Variants in MPDZ observed in about 807,000 individuals in gnomAD.
The protein encoded by MPDZ is multiple PDZ domain crumbs cell polarity complex component.
In MPDZ, 234 loss-of-function variants were observed where a neutral mutation model predicts 239.1. That is an observed-to-expected ratio of 0.98 (90% CI 0.88 to 1.09). The LOEUF is 1.09. Among genes scored for constraint, MPDZ ranks in the 50% least tolerant of loss-of-function variants. The probability of loss-of-function intolerance (pLI) is 0.00; values close to 1 mark genes in which losing one functional copy is unlikely to be tolerated. For missense variants in MPDZ, 3,175 were observed against 2,510.0 expected (o/e 1.26, Z -5.66); for synonymous variants, 1,048 against 881.3 (o/e 1.19, Z -3.35).
chr9:13,275,753 T>G (rs1365657159), intron 1 of MPDZ, among the ~76,000 whole-genome samples: 1 of 152,132 alleles, frequency 6.6e-6, no homozygotes, highest in Non-Finnish European at 1.5e-5. Flanking sequence ...TTCATTGCTC[T>G]CCATTAATTG....
intron 31 of MPDZ, chr9:13,135,364 GA>G (rs1946581499): frequency 6.6e-6 from 1 of 152,172 alleles, no homozygotes; most frequent in Non-Finnish European, 1.5e-5. Context: ...AGTTGGGGAT[GA>G]AGTATTATCA....
At chr9:13,272,235 G>A (rs570976113) in intron 1 of MPDZ, among the ~76,000 whole-genome samples, 23 of 152,196 alleles carry the variant, frequency 1.5e-4, no homozygotes, top group African/African-American at 5.3e-4. Context: ...AAGGATAGGG[G>A]CTGAATAGGT....
chr9:13,120,754 C>G (rs572986735), intron 38 of MPDZ: 1 of 152,140 alleles, frequency 6.6e-6, no homozygotes, highest in Non-Finnish European at 1.5e-5. Flanking sequence ...TGAAGAATGC[C>G]TATTTCCAAA....
At chr9:13,276,617 TCTTTA>T (rs1238014706) in intron 1 of MPDZ, 6 of 152,224 alleles carry the variant, frequency 3.9e-5, no homozygotes, top group Non-Finnish European at 8.8e-5. Flanking sequence ...CTGCTTCTTC[TCTTTA>T]AAGTGTAGGA....
intron 32 of MPDZ, among the ~76,000 whole-genome samples, chr9:13,131,205 G>A (rs982689004): frequency 6.6e-6 from 1 of 152,000 alleles, no homozygotes; most frequent in African/African-American, 2.4e-5. Context: ...TGTAATAATG[G>A]GGTTAGGAGT....
intron 12 of MPDZ, among the ~76,000 whole-genome samples, chr9:13,201,029 C>A (rs1031165552): frequency 6.6e-6 from 1 of 151,954 alleles, no homozygotes; most frequent in Non-Finnish European, 1.5e-5. Context: ...CTGCAATTAT[C>A]ATATTATAGT....
At chr9:13,173,486 T>C (rs113924442) in intron 21 of MPDZ, among the ~76,000 whole-genome samples, 1,639 of 152,098 alleles carry the variant, frequency 0.011, 32 homozygotes, top group African/African-American at 0.038. Context: ...GTGGATTGCC[T>C]GAGCTCAGGA....
intron 22 of MPDZ, chr9:13,165,501 G>C (rs982928603): frequency 3.6e-5 from 52 of 1,449,862 alleles, no homozygotes; most frequent in Non-Finnish European, 4.3e-5. Context: ...TACATATGTA[G>C]TTAAAAGTGG....
At chr9:13,249,799 G>A (rs878970793) in intron 2 of MPDZ, among the ~76,000 whole-genome samples, 2 of 152,160 alleles carry the variant, frequency 1.3e-5, no homozygotes, top group South Asian at 4.1e-4. Context: ...CATGAGTCTG[G>A]GAAATCTAGA....
intron 3 of MPDZ, among the ~76,000 whole-genome samples, chr9:13,231,760 A>G (rs1357643500): frequency 6.6e-6 from 1 of 152,038 alleles, no homozygotes; most frequent in Admixed American, 6.6e-5. Context: ...TGAGGCCAAC[A>G]TAACCTCAAT....
At position 13,196,112 on chromosome 9, in the gene MPDZ, C is replaced by A; in HGVS notation, c.1656+9G>T. 1 of 1,565,450 alleles carries A rather than the reference C, an allele frequency of 6.4e-7. No individual in the cohort carries two copies. Among genetic ancestry groups the A allele is most frequent in the Non-Finnish European group, 8.7e-7 (1 of 1,147,374 alleles). On this transcript the variant is annotated intron_variant, in intron 13 of 46. Transcript: ENST00000319217. Reference sequence around the variant, plus strand: ...AAGTTAGAAAATTACAGAAGGTCAGCTAACCTACCACTATTTCATAGTTAA... The same window carrying A: ...AAGTTAGAAAATTACAGAAGGTCAGATAACCTACCACTATTTCATAGTTAA...
At chr9:13,231,431 G>T (rs562162097) in intron 3 of MPDZ, among the ~76,000 whole-genome samples, 19 of 152,110 alleles carry the variant, frequency 1.2e-4, no homozygotes, top group Non-Finnish European at 5.9e-5. Context: ...GCTGAGCATG[G>T]TTGTACGCAC....
chr9:13,151,927 T>C (rs1007883700), intron 24 of MPDZ, among the ~76,000 whole-genome samples: 1 of 152,150 alleles, frequency 6.6e-6, no homozygotes, highest in Non-Finnish European at 1.5e-5. Context: ...TTCTCAATTA[T>C]GTGTCTTATA....
intron 25 of MPDZ, 100 bp downstream of exon 25, chr9:13,150,411 A>G (rs1949003678): frequency 1.1e-6 from 1 of 935,276 alleles, no homozygotes; most frequent in Non-Finnish European, 1.4e-6. Context: ...ATTTTAGCAC[A>G]TGTACCCTAA....
intron 1 of MPDZ, among the ~76,000 whole-genome samples, chr9:13,270,463 C>A (rs535460538): frequency 3.5e-4 from 53 of 151,890 alleles, no homozygotes; most frequent in Non-Finnish European, 5.6e-4. Context: ...AGGAGCCACA[C>A]TGAAACACAC....
chr9:13,240,278 T>G (rs1965071614), intron 3 of MPDZ, among the ~76,000 whole-genome samples: 1 of 151,974 alleles, frequency 6.6e-6, no homozygotes. Flanking sequence ...GATAATATTT[T>G]GCCACATTCT....
intron 4 of MPDZ, 62 bp downstream of exon 4, chr9:13,224,312 C>G (rs1959810592): frequency 1.5e-6 from 2 of 1,377,980 alleles, no homozygotes; most frequent in Non-Finnish European, 1.0e-6. Context: ...TTATCCATAA[C>G]TTGATCACAT....
chr9:13,227,885 G>C (rs902660534), intron 3 of MPDZ, among the ~76,000 whole-genome samples: 7 of 152,054 alleles, frequency 4.6e-5, no homozygotes, highest in African/African-American at 1.7e-4. Context: ...CCATACAAAA[G>C]TCTTATTTAT....
chr9:13,242,479 T>G (rs1031580450), intron 3 of MPDZ, among the ~76,000 whole-genome samples: 11 of 151,996 alleles, frequency 7.2e-5, no homozygotes, highest in Non-Finnish European at 4.4e-5. Context: ...TCCGCCTGCC[T>G]TGGCCACTGC....
Sources: gnomAD v4.1 joint callset for allele counts (sites outside exome capture counted in the v4.1 genomes callset) on GRCh38, gnomAD v4.1.1 for gene constraint, MANE v1.5 for transcripts, NCBI Gene and HGNC (gene_info 2026-07-23, HGNC 2026-07-21) for gene names.